The following KANK1 variants were observed in gnomAD, a reference collection of about 807,000 sequenced individuals.
KANK1 encodes KN motif and ankyrin repeat domains 1.
A neutral mutation model predicts 106.2 loss-of-function variants in KANK1; 109 were observed. The ratio of observed to expected loss-of-function variants is 1.03; its 90% CI spans 0.88 to 1.20. KANK1 has a LOEUF of 1.20. Among genes scored for constraint, KANK1 ranks in the 50% most tolerant of loss-of-function variants. The pLI is 0.00. For missense variants in KANK1, 2,399 were observed against 1,710.7 expected (o/e 1.40, Z -7.10); for synonymous variants, 873 against 652.2 (o/e 1.34, Z -5.16).
At position 655,864 on chromosome 9, in the gene KANK1, G is replaced by A. The variant is rs75885458; in HGVS notation, c.-83-21026G>A. On this transcript the variant is annotated intron_variant, in intron 1 of 11. Transcript: ENST00000382297. Reference sequence around the variant, plus strand: ...TGCTTACTCAGAGTTTCAATCAAATGTTTGTAAATTAATTTTGCTTTAGTA... The same window carrying A: ...TGCTTACTCAGAGTTTCAATCAAATATTTGTAAATTAATTTTGCTTTAGTA... Among the ~76,000 whole-genome samples, 1,329 of 152,250 alleles carry A rather than the reference G, an allele frequency of 8.7e-3. 69 individuals are homozygous for A. The East Asian group carries it at 0.14, about 16-fold the overall frequency.
chr9:658,884 T>G (rs1344572253), intron 1 of KANK1, among the ~76,000 whole-genome samples: 1 of 152,156 alleles, frequency 6.6e-6, no homozygotes, highest in Non-Finnish European at 1.5e-5. Context: ...CTACTTATCC[T>G]TCAGGTCTTA....
At chr9:609,852 A>G (rs1384541595) in intron 1 of KANK1, among the ~76,000 whole-genome samples, 1 of 152,138 alleles carries the variant, frequency 6.6e-6, no homozygotes, top group African/African-American at 2.4e-5. Context: ...TTTATTCACT[A>G]AAGAAAATTT....
chr9:599,248 CCT>C (rs1002041335), intron 1 of KANK1, among the ~76,000 whole-genome samples: 1 of 151,280 alleles, frequency 6.6e-6, no homozygotes, highest in African/African-American at 2.5e-5. Context: ...GAACTCCTGA[CCT>C]CAGGTGATCT....
chr9:595,138 G>T (rs1224259377), intron 1 of KANK1, among the ~76,000 whole-genome samples: 2 of 151,806 alleles, frequency 1.3e-5, no homozygotes, highest in African/African-American at 2.4e-5. Flanking sequence ...CGATGGCCCG[G>T]CATGGTGGCA....
At chr9:478,472 C>T (rs1041301549) in intron 3 of KANK1, 3 of 152,310 alleles carry the variant, frequency 2.0e-5, no homozygotes, top group Non-Finnish European at 4.4e-5. Flanking sequence ...AAGCCAGTTT[C>T]CCCATGCACA....
chr9:575,320 G>C (rs753215213), intron 1 of KANK1, among the ~76,000 whole-genome samples: 7 of 152,184 alleles, frequency 4.6e-5, no homozygotes, highest in Non-Finnish European at 1.0e-4. Flanking sequence ...CAGTCACGCA[G>C]TTGGTGACAA....
chr9:711,524 C>G lies in KANK1; in HGVS notation c.758C>G (p.Thr253Ser), dbSNP rs546089068. The G allele has an allele frequency of 8.1e-5, 131 of 1,613,816 alleles. 1 individual carries two copies. In the South Asian group the frequency reaches 1.4e-3, roughly 17 times the overall value. Residue 253 changes from threonine to serine, a missense_variant, in exon 3 of 12, where the codon ACC (threonine) becomes AGC (serine). Coordinates refer to ENST00000382297, the MANE Select transcript of KANK1 (RefSeq NM_015158.5). The part of the protein sequence containing the change: ...PLSSGISTPV[T>S]NVSPMHLQHI... ...AGCTCAGGGATCTCCACCCCAGTGA[C>G]CAACGTGAGCCCCATGCACCTGCAG...
At position 712,364 on chromosome 9, in the gene KANK1, T is replaced by C. The variant is rs1198088180; in HGVS notation, c.1598T>C (p.Leu533Pro). The C allele has an allele frequency of 1.9e-6, 3 of 1,614,174 alleles. No individual in the cohort carries two copies. Among genetic ancestry groups the C allele is most frequent in the South Asian group, 1.1e-5 (1 of 91,080 alleles). The change falls in exon 3 of 12, where the codon CTG becomes CCG. Residue 533 changes from leucine (L) to proline (P), a missense_variant. Leu to Pro is a moderately conservative substitution (Grantham distance 98). Coordinates refer to ENST00000382297, the MANE Select transcript of KANK1 (RefSeq NM_015158.5). ...CAAATGGTCGGCAGTCACATGGACCTGGTGGACACGTGTGTTGGGACCTCC... is the reference window on the plus strand; with the variant it reads ...CAAATGGTCGGCAGTCACATGGACCCGGTGGACACGTGTGTTGGGACCTCC... ...RDQMVGSHMD[L>P]VDTCVGTSVE... is the part of the protein sequence containing the mutation.
intron 2 of KANK1, among the ~76,000 whole-genome samples, chr9:678,076 T>A (rs1816761976): frequency 6.6e-6 from 1 of 152,160 alleles, no homozygotes; most frequent in South Asian, 2.1e-4. Context: ...ATTCTAGCGG[T>A]CTCAGCTGCA....
intron 3 of KANK1, among the ~76,000 whole-genome samples, chr9:715,588 A>G (rs1160501853): frequency 3.3e-5 from 5 of 152,248 alleles, no homozygotes; most frequent in African/African-American, 4.8e-5. Flanking sequence ...CATGCCACAC[A>G]TCACTGGTTA....
At chr9:727,700 GTGTGTGTGTGTGTGTGTA>G (rs1831087028) in intron 3 of KANK1, among the ~76,000 whole-genome samples, 2 of 151,756 alleles carry the variant, frequency 1.3e-5, no homozygotes, top group Non-Finnish European at 2.9e-5. Flanking sequence ...GTGTGTGTGT[GTGTGTGTGTGTGTGTGTA>G]TGTGTGTGTG....
intron 1 of KANK1, among the ~76,000 whole-genome samples, chr9:643,964 A>G (rs1839093913): frequency 6.6e-6 from 1 of 150,950 alleles, no homozygotes; most frequent in African/African-American, 2.5e-5. Flanking sequence ...TGGCCTCCCA[A>G]AGTGCTGGGA....
intron 3 of KANK1, among the ~76,000 whole-genome samples, chr9:727,871 A>G (rs1038900949): frequency 1.3e-5 from 2 of 152,188 alleles, no homozygotes; most frequent in African/African-American, 4.8e-5. Flanking sequence ...ATAAAATTCT[A>G]AGCCCCCTAA....
At chr9:485,825 C>T (rs2058282985) in intron 3 of KANK1, among the ~76,000 whole-genome samples, 2 of 147,946 alleles carry the variant, frequency 1.4e-5, no homozygotes, top group Middle Eastern at 3.5e-3. Context: ...GAGCCAAGAT[C>T]GTGTCACTAC....
intron 1 of KANK1, among the ~76,000 whole-genome samples, chr9:529,922 C>T (rs1312940865): frequency 2.0e-5 from 3 of 152,168 alleles, no homozygotes; most frequent in African/African-American, 4.8e-5. Flanking sequence ...GCACTTGTTT[C>T]TTTATATCGT....
chr9:544,626 A>C (rs932826073), intron 1 of KANK1, among the ~76,000 whole-genome samples: 1 of 152,144 alleles, frequency 6.6e-6, no homozygotes, highest in Non-Finnish European at 1.5e-5. Context: ...GCGCTCTGAT[A>C]GGGGAAGTAC....
intron 2 of KANK1, among the ~76,000 whole-genome samples, chr9:700,481 T>C (rs1822390500): frequency 6.6e-6 from 1 of 152,208 alleles, no homozygotes; most frequent in Admixed American, 6.5e-5. Flanking sequence ...ACTTAATTAC[T>C]CTCATACTCT....
intron 3 of KANK1, among the ~76,000 whole-genome samples, chr9:475,937 C>T (rs1426324804): frequency 6.6e-6 from 1 of 151,992 alleles, no homozygotes; most frequent in African/African-American, 2.4e-5. Flanking sequence ...ACTGCAACCT[C>T]TGCCTCCTGG....
Position 711,891 on chromosome 9 carries a change from A to C in KANK1, c.1125A>C (p.Gln375His). Residue 375 changes from glutamine (Q) to histidine (H), a missense_variant, in exon 3 of 12, where the codon CAA becomes CAC. Physicochemically the swap from Gln to His is conservative, Grantham distance 24 (BLOSUM62 0). Coordinates refer to ENST00000382297, the MANE Select transcript of KANK1 (RefSeq NM_015158.5). The part of the protein sequence containing the change: ...KEFRQLTADM[Q>H]ALEQKIQDSS... ...TCCGGCAACTTACAGCAGACATGCA[A>C]GCCCTGGAGCAGAAGATCCAGGACA... 6.2e-7 allele frequency: 1 copy of C among 1,614,192 alleles called. No individual in the cohort carries two copies. The highest frequency in any genetic ancestry group is 8.5e-7 in the Non-Finnish European group (1 of 1,180,032).
Sources: allele counts gnomAD v4.1 joint callset (sites outside exome capture counted in the v4.1 genomes callset), GRCh38; gene constraint gnomAD v4.1.1; transcripts MANE v1.5; gene names NCBI Gene and HGNC (gene_info 2026-07-23, HGNC 2026-07-21).